The following FRMD4A variants were observed in gnomAD, a reference collection of about 807,000 sequenced individuals.
FRMD4A encodes FERM domain-containing protein 4A.
FRMD4A carries 29 observed loss-of-function variants against 129.1 expected under a neutral mutation model. The observed-to-expected ratio is 0.22, with a 90% CI of 0.17 to 0.31. The LOEUF (loss-of-function observed/expected upper bound fraction) is 0.31. Ranked by LOEUF, FRMD4A falls within the 10% of genes least tolerant of loss-of-function variation. FRMD4A has a pLI of 1.00. For missense variants in FRMD4A, 1,272 were observed against 1,375.8 expected (o/e 0.92, Z 1.19); for synonymous variants, 634 against 571.6 (o/e 1.11, Z -1.56).
At chr10:14,287,953 T>C (rs1365262338) in intron 2 of FRMD4A, among the ~76,000 whole-genome samples, 1 of 152,092 alleles carries the variant, frequency 6.6e-6, no homozygotes, top group Non-Finnish European at 1.5e-5. Flanking sequence ...ACGCTAACCA[T>C]ATGAATTCTT....
chr10:13,930,331 T>C (rs1367355827), intron 2 of FRMD4A, among the ~76,000 whole-genome samples: 1 of 152,130 alleles, frequency 6.6e-6, no homozygotes, highest in Non-Finnish European at 1.5e-5. Context: ...AATAAAGAGG[T>C]GACGAGTGAC....
intron 2 of FRMD4A, among the ~76,000 whole-genome samples, chr10:13,934,810 C>T (rs7094952): frequency 0.17 from 25,210 of 152,192 alleles, 2,259 homozygotes; most frequent in Non-Finnish European, 0.2. Context: ...CCATGTGTTG[C>T]AGTCCCTTGG....
intron 2 of FRMD4A, among the ~76,000 whole-genome samples, chr10:14,327,790 C>T (rs1473618808): frequency 6.6e-6 from 1 of 152,202 alleles, no homozygotes; most frequent in Non-Finnish European, 1.5e-5. Context: ...TGTTTATGAG[C>T]TCTGGCTCTT....
At chr10:13,675,283 T>C (rs1295556862) in intron 15 of FRMD4A, among the ~76,000 whole-genome samples, 2 of 152,226 alleles carry the variant, frequency 1.3e-5, no homozygotes, top group African/African-American at 2.4e-5. Context: ...AAGAAGTTTA[T>C]CTTTCTCAAT....
At chr10:13,670,296 C>A in intron 17 of FRMD4A, 110 bp downstream of exon 17, 4 of 1,115,796 alleles carry the variant, frequency 3.6e-6, no homozygotes, top group Admixed American at 3.8e-5. Context: ...AGCGAAAATA[C>A]TGGCATTAGG....
At chr10:14,082,118 G>A (rs1414797192) in intron 2 of FRMD4A, among the ~76,000 whole-genome samples, 4 of 152,086 alleles carry the variant, frequency 2.6e-5, no homozygotes, top group Non-Finnish European at 4.4e-5. Flanking sequence ...ATGGTGGCAC[G>A]TGCCTGAACT....
intron 5 of FRMD4A, among the ~76,000 whole-genome samples, chr10:13,794,391 C>CAG (rs775688783): frequency 1.9e-5 from 2 of 102,964 alleles, no homozygotes; most frequent in Admixed American, 2.3e-4. Context: ...GAATCCGTCT[C>CAG]AAAAAAAAAA....
intron 12 of FRMD4A, among the ~76,000 whole-genome samples, chr10:13,736,103 G>C (rs1216328455): frequency 6.6e-6 from 1 of 152,138 alleles, no homozygotes; most frequent in Non-Finnish European, 1.5e-5. Flanking sequence ...AGTGAGCCAA[G>C]AGCGTGCCAC....
At chr10:13,891,921 C>G (rs928711975) in intron 2 of FRMD4A, among the ~76,000 whole-genome samples, 2 of 147,984 alleles carry the variant, frequency 1.4e-5, no homozygotes, top group Non-Finnish European at 3.0e-5. Flanking sequence ...CAGCGCGCCC[C>G]GAGCCAGTCC....
chr10:14,312,612 G>C (rs756864583), intron 2 of FRMD4A, among the ~76,000 whole-genome samples: 9 of 152,194 alleles, frequency 5.9e-5, no homozygotes, highest in Non-Finnish European at 1.3e-4. Flanking sequence ...CTATCAATGA[G>C]GGATTGATTA....
intron 2 of FRMD4A, among the ~76,000 whole-genome samples, chr10:13,862,590 G>T (rs576019301): frequency 5.7e-4 from 87 of 152,206 alleles, no homozygotes; most frequent in Admixed American, 9.8e-4. Context: ...AACATGCTCC[G>T]TATTTTAATG....
intron 2 of FRMD4A, among the ~76,000 whole-genome samples, chr10:14,084,089 GC>G (rs1463026578): frequency 2.0e-5 from 3 of 152,210 alleles, no homozygotes; most frequent in Non-Finnish European, 2.9e-5. Context: ...AGCACTCACA[GC>G]CCTGACTGCT....
At chr10:14,192,065 T>C (rs1589149728) in intron 2 of FRMD4A, among the ~76,000 whole-genome samples, 1 of 152,218 alleles carries the variant, frequency 6.6e-6, no homozygotes, top group Non-Finnish European at 1.5e-5. Flanking sequence ...AATCAACAAT[T>C]CTGAGCCCCA....
At chr10:14,285,841 C>T (rs964502506) in intron 2 of FRMD4A, among the ~76,000 whole-genome samples, 11 of 152,330 alleles carry the variant, frequency 7.2e-5, no homozygotes, top group Admixed American at 3.9e-4. Flanking sequence ...CAATATATCA[C>T]GTTCTCAATT....
rs573944619 is a variant in FRMD4A, at chr10:13,995,458, G to T, written c.46-136546C>A. Among the ~76,000 whole-genome samples, 6 of 152,286 alleles carry T rather than the reference G, an allele frequency of 3.9e-5. 1 individual carries two copies. The South Asian group carries it at 1.0e-3, about 26-fold the overall frequency. ...AAATTAACTAGGTGTGGTGGTGCAT[G>T]CCTGTAATCCCAGCTGCTTGGGAGG... On this transcript the variant is annotated intron_variant, in intron 2 of 24. Transcript: ENST00000357447.
chr10:13,804,708 C>G (rs2130857130), intron 4 of FRMD4A, among the ~76,000 whole-genome samples: 1 of 123,136 alleles, frequency 8.1e-6, no homozygotes, highest in South Asian at 2.8e-4. Context: ...CCACACCCAG[C>G]TAATTCTTTT....
chr10:14,005,074 G>A (rs1427414252), intron 2 of FRMD4A, among the ~76,000 whole-genome samples: 2 of 151,138 alleles, frequency 1.3e-5, no homozygotes, highest in Non-Finnish European at 2.9e-5. Context: ...CCAGGCTCGA[G>A]TGCAGTGGCT....
At chr10:13,853,609 G>A (rs1564914833) in intron 3 of FRMD4A, among the ~76,000 whole-genome samples, 1 of 151,988 alleles carries the variant, frequency 6.6e-6, no homozygotes, top group Admixed American at 6.6e-5. Flanking sequence ...TGTTGTGGGT[G>A]GGTCACCTGA....
intron 6 of FRMD4A, among the ~76,000 whole-genome samples, chr10:13,764,808 T>G (rs1363114913): frequency 3.3e-5 from 5 of 152,114 alleles, no homozygotes; most frequent in Non-Finnish European, 4.4e-5. Context: ...GAGCTAGAGG[T>G]AAAAGAGATT....
Sources: allele counts gnomAD v4.1 joint callset (sites outside exome capture counted in the v4.1 genomes callset), GRCh38; gene constraint gnomAD v4.1.1; transcripts MANE v1.5; gene names NCBI Gene and HGNC (gene_info 2026-07-23, HGNC 2026-07-21).